SGCD: variants seen among roughly 807,000 people sequenced by gnomAD.
The protein encoded by SGCD is delta-sarcoglycan.
A neutral mutation model predicts 36.6 loss-of-function variants in SGCD; 18 were observed. The observed-to-expected ratio is 0.49, with a 90% CI of 0.34 to 0.73. SGCD has a LOEUF of 0.73. Ranked by LOEUF, SGCD falls within the 30% of genes least tolerant of loss-of-function variation. The pLI is 0.01. For missense variants in SGCD, 387 were observed against 346.7 expected (o/e 1.12, Z -0.92); for synonymous variants, 133 against 130.6 (o/e 1.02, Z -0.12).
intron 3 of SGCD, among the ~76,000 whole-genome samples, chr5:156,430,465 C>A (rs1773887938): frequency 6.6e-6 from 1 of 151,786 alleles, no homozygotes; most frequent in Non-Finnish European, 1.5e-5. Context: ...AGCCTAATAA[C>A]CTTTGGAATT....
chr5:156,572,971 G>A (rs1037616993), intron 4 of SGCD, among the ~76,000 whole-genome samples: 12 of 151,714 alleles, frequency 7.9e-5, no homozygotes, highest in African/African-American at 2.4e-4. Flanking sequence ...AGAAATTTAG[G>A]GTACACAAAA....
rs1405770615 is a variant in SGCD, at chr5:155,940,180, C to T, written c.-282+69756C>T. 2.0e-5 allele frequency among the ~76,000 whole-genome samples: 3 copies of T among 152,176 alleles called. No homozygotes were observed. In the East Asian group the frequency reaches 5.8e-4, roughly 29 times the overall value. Reference sequence around the variant, plus strand: ...TTCTCTAGATTCCCCAAAAATCTTTCTTCAAAGCTCATTATTATCAGGGCT... The same window carrying T: ...TTCTCTAGATTCCCCAAAAATCTTTTTTCAAAGCTCATTATTATCAGGGCT... On this transcript the variant is annotated intron_variant, in intron 1 of 9. Coordinates refer to the SGCD transcript ENST00000517913.
intron 1 of SGCD, among the ~76,000 whole-genome samples, chr5:156,059,165 G>T (rs1760138559): frequency 6.9e-6 from 1 of 144,872 alleles, no homozygotes; most frequent in African/African-American, 2.5e-5. Flanking sequence ...CAGTTCTGTT[G>T]ATTAAATTGT....
intron 3 of SGCD, among the ~76,000 whole-genome samples, chr5:156,481,725 T>C (rs1253989790): frequency 7.2e-5 from 11 of 151,950 alleles, no homozygotes. Flanking sequence ...CTAGGGTGAG[T>C]TATGAAAGGA....
chr5:156,307,562 T>TG (rs1767257053), intron 3 of SGCD, among the ~76,000 whole-genome samples: 1 of 146,050 alleles, frequency 6.8e-6, no homozygotes, highest in Admixed American at 6.8e-5. Context: ...GTTGTTTTTT[T>TG]TTTTTTTTTT....
chr5:156,170,652 C>T (rs1763321677), intron 3 of SGCD, among the ~76,000 whole-genome samples: 1 of 152,192 alleles, frequency 6.6e-6, no homozygotes, highest in South Asian at 2.1e-4. Context: ...GAAGTCCTTG[C>T]TTCTCTGTAG....
chr5:156,016,148 A>G (rs1758973262), intron 1 of SGCD, among the ~76,000 whole-genome samples: 2 of 152,112 alleles, frequency 1.3e-5, no homozygotes, highest in Admixed American at 6.6e-5. Context: ...TACACATGTA[A>G]TAGGCTCAGA....
In SGCD at chr5:156,757,446, G is replaced by GT. The variant is rs3215118; in HGVS notation, c.576-133dup. ...TGCTCCCTGTCATAAACTTGACCAG[G>GT]TTGTAAAGCAAAACTTTAAAAAATT... On this transcript the variant is annotated intron_variant, in intron 7 of 8. Coordinates refer to ENST00000337851, the MANE Select transcript of SGCD (RefSeq NM_000337.6). 0.077 allele frequency: 46,873 copies of GT among 609,554 alleles called. 4,056 individuals carry two copies. The highest frequency in any genetic ancestry group is 0.34 in the African/African-American group (18,225 of 53,724). 37.8% of individuals were successfully genotyped at this position (609,554 alleles called of 1,614,324 possible).
intron 3 of SGCD, among the ~76,000 whole-genome samples, chr5:156,418,620 C>G (rs1773155955): frequency 6.6e-6 from 1 of 152,164 alleles, no homozygotes; most frequent in African/African-American, 2.4e-5. Context: ...AGAAAAAGAT[C>G]TGACCCTTAC....
chr5:156,663,777 C>T (rs933622294), intron 7 of SGCD, among the ~76,000 whole-genome samples: 28 of 146,440 alleles, frequency 1.9e-4, no homozygotes, highest in Non-Finnish European at 3.3e-4. Context: ...CATAAATCTA[C>T]TGCTGCACTG....
chr5:156,029,103 A>T (rs1421889499), intron 1 of SGCD, among the ~76,000 whole-genome samples: 2 of 152,068 alleles, frequency 1.3e-5, no homozygotes, highest in Admixed American at 1.3e-4. Flanking sequence ...ATCTGCTTTG[A>T]ATTTGAATAC....
the SGCD span, among the ~76,000 whole-genome samples, chr5:155,814,724 T>C: frequency 1.3e-5 from 2 of 152,192 alleles, no homozygotes; most frequent in African/African-American, 4.8e-5. Context: ...ATCTACTAAA[T>C]ACACAAAATA....
intron 1 of SGCD, among the ~76,000 whole-genome samples, chr5:156,088,601 G>A (rs114547313): frequency 0.011 from 1,606 of 152,158 alleles, 13 homozygotes; most frequent in Non-Finnish European, 0.016. Flanking sequence ...CTGGACTCAA[G>A]TGATCCCCCC....
chr5:155,927,456 G>C (rs1757014526), intron 1 of SGCD, among the ~76,000 whole-genome samples: 1 of 152,108 alleles, frequency 6.6e-6, no homozygotes, highest in Non-Finnish European at 1.5e-5. Flanking sequence ...TGTTAAAAGG[G>C]ACCTGTTTTA....
chr5:156,509,662 G>T (rs1294849078), intron 4 of SGCD, among the ~76,000 whole-genome samples: 1 of 152,192 alleles, frequency 6.6e-6, no homozygotes, highest in African/African-American at 2.4e-5. Flanking sequence ...GCAGGACAAA[G>T]ATTTCAAGCC....
At chr5:156,713,617 C>G (rs1370277942) in intron 7 of SGCD, among the ~76,000 whole-genome samples, 2 of 152,200 alleles carry the variant, frequency 1.3e-5, no homozygotes, top group Non-Finnish European at 2.9e-5. Flanking sequence ...AAGAGGTCCT[C>G]AGAGAAAGTC....
intron 3 of SGCD, among the ~76,000 whole-genome samples, chr5:156,367,680 T>C (rs1334889247): frequency 2.0e-5 from 3 of 152,184 alleles, no homozygotes; most frequent in Non-Finnish European, 4.4e-5. Context: ...CTCTGACTTA[T>C]TCCATGTGGC....
At chr5:156,421,920 A>C (rs1561684379) in intron 3 of SGCD, among the ~76,000 whole-genome samples, 1 of 152,048 alleles carries the variant, frequency 6.6e-6, no homozygotes, top group Non-Finnish European at 1.5e-5. Context: ...CGGAAATTAC[A>C]GAGATAAATA....
At chr5:156,629,612 C>T (rs1482063971) in intron 6 of SGCD, among the ~76,000 whole-genome samples, 1 of 152,078 alleles carries the variant, frequency 6.6e-6, no homozygotes, top group Non-Finnish European at 1.5e-5. Context: ...ATAATCTAGG[C>T]CAGGGATCTT....
Sources: allele counts gnomAD v4.1 joint callset (sites outside exome capture counted in the v4.1 genomes callset), GRCh38; gene constraint gnomAD v4.1.1; transcripts MANE v1.5; gene names NCBI Gene and HGNC (gene_info 2026-07-23, HGNC 2026-07-21).